The following SHKBP1 variants were observed in gnomAD, a reference collection of about 807,000 sequenced individuals.
SHKBP1 encodes the protein SH3KBP1-binding protein 1.
A neutral mutation model predicts 83.9 loss-of-function variants in SHKBP1; 71 were observed. The ratio of observed to expected loss-of-function variants is 0.85; its 90% CI spans 0.70 to 1.03. The LOEUF is 1.03. Ranked by LOEUF, SHKBP1 falls within the 50% of genes least tolerant of loss-of-function variation. SHKBP1 has a pLI of 0.00. For synonymous variants in SHKBP1, 371 were observed against 398.0 expected (o/e 0.93, Z 0.81); for missense variants, 824 against 982.4 (o/e 0.84, Z 2.16).
In SHKBP1 at chr19:40,589,126, G is replaced by C; in HGVS notation, c.1537G>C (p.Val513Leu). 1.2e-6 allele frequency: 2 copies of C among 1,613,570 alleles called. No homozygotes were observed. The highest frequency in any genetic ancestry group is 1.7e-6 in the Non-Finnish European group (2 of 1,179,988). Residue 513 changes from valine (V) to leucine (L), a missense_variant, in exon 15 of 18, where the codon GTG becomes CTG. Coordinates refer to ENST00000291842, the MANE Select transcript of SHKBP1 (RefSeq NM_138392.4). ...CGACCAGCAAGTGTTCATCCAGAAG[G>C]TGGTGCCCAGTGCCAGCCAGCTCTT... The part of the protein sequence containing the change: ...RDDQQVFIQK[V>L]VPSASQLFVR...
chr19:40,578,381 G>T (rs2081239317), intron 5 of SHKBP1, 81 bp from the exon 6 acceptor site: 1 of 1,530,898 alleles, frequency 6.5e-7, no homozygotes. Context: ...TTGGTACTCT[G>T]TGTAGAAAGA....
At chr19:40,577,707 C>A (rs2081230175) in intron 4 of SHKBP1, 77 bp downstream of exon 4, 9 of 1,478,896 alleles carry the variant, frequency 6.1e-6, no homozygotes, top group Non-Finnish European at 7.6e-6. Context: ...TCTGAATGTC[C>A]ACGTGAGCTC....
At chr19:40,582,305 C>T (rs780412812) in intron 9 of SHKBP1, 46 bp from the exon 10 acceptor site, 8 of 1,490,756 alleles carry the variant, frequency 5.4e-6, no homozygotes, top group African/African-American at 4.1e-5. Context: ...CACCTCTCCT[C>T]CTCCATGAGG....
rs748251835 is a variant in SHKBP1, at chr19:40,580,717, G to A, written c.654-29G>A. 2.5e-6 allele frequency: 4 copies of A among 1,613,680 alleles called. No homozygotes were observed. The African/African-American group carries it at 4.0e-5, about 16-fold the overall frequency. The stretch of plus-strand genomic sequence containing the variant: ...TGTTGATGGGAAGGGCATGCGGTGA[G>A]GGTTGGTGATGTCCCCTCGATCCTA... On this transcript the variant is annotated intron_variant, in intron 8 of 17. Coordinates refer to ENST00000291842, the MANE Select transcript of SHKBP1 (RefSeq NM_138392.4).
intron 1 of SHKBP1, 28 bp from the exon 2 acceptor site, chr19:40,577,203 C>T: frequency 2.5e-6 from 4 of 1,612,484 alleles, no homozygotes; most frequent in Non-Finnish European, 3.4e-6. Flanking sequence ...CTCTTCATCT[C>T]TTGCGTCCGT....
chr19:40,581,239 G>A (rs770214316), intron 9 of SHKBP1, among the ~76,000 whole-genome samples: 13 of 152,200 alleles, frequency 8.5e-5, no homozygotes, highest in South Asian at 4.2e-4. Flanking sequence ...GGCCCGGTGC[G>A]GTGGCTCATG....
Position 40,590,667 on chromosome 19 carries a change from C to A in SHKBP1, c.1769-63C>A. On this transcript the variant is annotated intron_variant, in intron 16 of 17. Coordinates refer to ENST00000291842, the MANE Select transcript of SHKBP1 (RefSeq NM_138392.4). This position sits in a 1 kb window ranked among gnomAD's most constrained non-coding sequence, Gnocchi z 4.6. ...GACCCTCGGTGCTTGCACTGCAATG[C>A]AACCCAGGCCCTTGCCCTATGACCC... is the stretch of plus-strand genomic sequence containing the variant. The A allele has an allele frequency of 6.6e-7, 1 of 1,513,036 alleles. No individual in the cohort carries two copies. The highest frequency in any genetic ancestry group is 1.3e-5 in the South Asian group (1 of 78,192). The allele number at this position is 1,513,036 out of a possible 1,614,324, so 93.7% of individuals were successfully genotyped here.
In SHKBP1 at chr19:40,590,681, G is replaced by A. The variant is rs1463904117; in HGVS notation, c.1769-49G>A. 1.3e-6 allele frequency: 2 copies of A among 1,533,276 alleles called. No individual in the cohort carries two copies. Among genetic ancestry groups the A allele is most frequent in the Non-Finnish European group, 8.8e-7 (1 of 1,138,498 alleles). 95.0% of individuals were successfully genotyped at this position (1,533,276 alleles called of 1,614,324 possible). On this transcript the variant is annotated intron_variant, in intron 16 of 17. Coordinates refer to ENST00000291842, the MANE Select transcript of SHKBP1 (RefSeq NM_138392.4). This position sits in a 1 kb window ranked among gnomAD's most constrained non-coding sequence, Gnocchi z 4.6. ...GCACTGCAATGCAACCCAGGCCCTTGCCCTATGACCCCTGTCTTGCCCCCT... is the reference window on the plus strand; with the variant it reads ...GCACTGCAATGCAACCCAGGCCCTTACCCTATGACCCCTGTCTTGCCCCCT...
Position 40,591,123 on chromosome 19 carries a change from A to G in SHKBP1, c.2040A>G (p.Pro680=), listed in dbSNP as rs35971132. The G allele has an allele frequency of 6.2e-7, 1 of 1,608,486 alleles. No homozygotes were observed. The highest frequency in any genetic ancestry group is 8.5e-7 in the Non-Finnish European group (1 of 1,175,598). ...LVRSGPDLRR[P]PTPAPWPSSG... ...GGAGTGGGCCAGACCTCCGACGGCC[A>G]CCCACACCAGCCCCGTGGCCCTCCA... The change falls in exon 18 of 18, where the codon CCA becomes CCG. Residue 680 remains proline, a synonymous_variant. Transcript: ENST00000291842.
chr19:40,583,921 A>G (rs1027368585), intron 12 of SHKBP1, among the ~76,000 whole-genome samples: 6 of 151,670 alleles, frequency 4.0e-5, no homozygotes, highest in African/African-American at 1.5e-4. Context: ...GCTCACTGCA[A>G]CCTCCACCTC....
intron 12 of SHKBP1, among the ~76,000 whole-genome samples, chr19:40,585,210 G>A (rs1357203801): frequency 1.3e-5 from 2 of 152,064 alleles, no homozygotes; most frequent in Non-Finnish European, 2.9e-5. Flanking sequence ...GGGCTCAAGC[G>A]ATTCTTCTAC....
chr19:40,587,300 AC>A (rs552897299), intron 13 of SHKBP1, among the ~76,000 whole-genome samples: 3 of 152,186 alleles, frequency 2.0e-5, no homozygotes, highest in Admixed American at 2.0e-4. Flanking sequence ...ATAAAAATGG[AC>A]ATCAATGGCC....
chr19:40,577,796 C>G, intron 4 of SHKBP1, 166 bp downstream of exon 4: 1 of 817,072 alleles, frequency 1.2e-6, no homozygotes, highest in Non-Finnish European at 2.0e-6. Context: ...AATCCCAACA[C>G]TTTGGGAGGC....
chr19:40,587,249 G>A (rs1393528740), intron 13 of SHKBP1, among the ~76,000 whole-genome samples: 3 of 152,148 alleles, frequency 2.0e-5, no homozygotes, highest in East Asian at 1.9e-4. Context: ...CCCTGCCCTC[G>A]TGGAGCTGAC....
Position 40,577,223 on chromosome 19 carries a change from C to G in SHKBP1, c.87-8C>G. ...CATCTCTTGCGTCCGTTTACCTTCC[C>G]CGCCCAGATTCAGTACCTCTCGCCA... On this transcript the variant is annotated splice_polypyrimidine_tract_variant and splice_region_variant and intron_variant, in intron 1 of 17. Coordinates refer to ENST00000291842, the MANE Select transcript of SHKBP1 (RefSeq NM_138392.4). The G allele has an allele frequency of 6.2e-7, 1 of 1,613,252 alleles. No homozygotes were observed. Among genetic ancestry groups the G allele is most frequent in the South Asian group, 1.1e-5 (1 of 91,026 alleles).
At position 40,577,400 on chromosome 19, in the gene SHKBP1, C is replaced by A. The variant is rs116672208; in HGVS notation, c.145C>A (p.Leu49Met). 6.2e-7 allele frequency: 1 copy of A among 1,613,786 alleles called. No individual in the cohort carries two copies. Among genetic ancestry groups the A allele is most frequent in the Admixed American group, 1.7e-5 (1 of 59,974 alleles). Reference sequence around the variant, plus strand: ...CTCGGTGTCCCTTCCCTGCAGTCTTCTGAGCGGACGCATCTCGACGCTGAA... The same window carrying A: ...CTCGGTGTCCCTTCCCTGCAGTCTTATGAGCGGACGCATCTCGACGCTGAA... ...WIPDSFFSSL[L>M]SGRISTLKDE... Residue 49 changes from leucine (L) to methionine (M), a missense_variant, in exon 3 of 18, where the codon CTG becomes ATG. Coordinates refer to ENST00000291842, the MANE Select transcript of SHKBP1 (RefSeq NM_138392.4).
intron 9 of SHKBP1, 101 bp from the exon 10 acceptor site, chr19:40,582,250 T>C: frequency 4.4e-6 from 4 of 902,904 alleles, no homozygotes; most frequent in African/African-American, 1.7e-5. Context: ...CCTTCAAGGA[T>C]TCTGTGGTCC....
At chr19:40,586,212 C>G (rs749020543) in intron 12 of SHKBP1, among the ~76,000 whole-genome samples, 21 of 152,054 alleles carry the variant, frequency 1.4e-4, no homozygotes, top group Non-Finnish European at 2.5e-4. Context: ...TGCTGTTTCA[C>G]TGTTACAATT....
chr19:40,577,146 A>C, intron 1 of SHKBP1, 85 bp from the exon 2 acceptor site: 3 of 1,499,574 alleles, frequency 2.0e-6, no homozygotes, highest in South Asian at 2.3e-5. Flanking sequence ...GGGGAAGGGG[A>C]GGGAACCCTG....
Sources: gnomAD v4.1 joint callset for allele counts (sites outside exome capture counted in the v4.1 genomes callset) on GRCh38, gnomAD v4.1.1 for gene constraint, Gnocchi (gnomAD v3.1) non-coding constraint, MANE v1.5 for transcripts, NCBI Gene and HGNC (gene_info 2026-07-23, HGNC 2026-07-21) for gene names.